The following PECAM1 variants were observed in gnomAD, a reference collection of about 807,000 sequenced individuals.
PECAM1 encodes the protein platelet endothelial cell adhesion molecule.
PECAM1 carries 8 observed loss-of-function variants against 13.8 expected under a neutral mutation model. The ratio of observed to expected loss-of-function variants is 0.58; its 90% CI spans 0.34 to 1.05. The LOEUF (loss-of-function observed/expected upper bound fraction) is 1.05, where lower values mean the gene tolerates loss of function less well. Ranked by LOEUF, PECAM1 falls within the 50% of genes least tolerant of loss-of-function variation. The pLI is 0.03. For synonymous variants in PECAM1, 136 were observed against 52.6 expected (o/e 2.58, Z -6.86); for missense variants, 304 against 141.2 (o/e 2.15, Z -5.84).
intron 11 of PECAM1, among the ~76,000 whole-genome samples, 176 bp from the exon 12 acceptor site, chr17:64,350,609 C>T (rs1199136647): frequency 6.6e-6 from 1 of 151,360 alleles, no homozygotes; most frequent in Non-Finnish European, 1.5e-5. Flanking sequence ...TCCATTTGAC[C>T]TGCTGTGTAG....
intron 2 of PECAM1, among the ~76,000 whole-genome samples, chr17:64,381,591 A>T (rs1206694127): frequency 1.3e-5 from 2 of 152,186 alleles, no homozygotes; most frequent in Non-Finnish European, 2.9e-5. Flanking sequence ...CGAGTACTAC[A>T]ATTTGCGCCT....
intron 14 of PECAM1, among the ~76,000 whole-genome samples, chr17:64,333,726 G>A (rs2035189516): frequency 1.3e-5 from 2 of 151,978 alleles, no homozygotes; most frequent in South Asian, 4.2e-4. Flanking sequence ...GGGAGGCTGA[G>A]GCGGGCGGAT....
chr17:64,344,638 A>C (rs1324216077), intron 13 of PECAM1, among the ~76,000 whole-genome samples: 7 of 151,794 alleles, frequency 4.6e-5, no homozygotes, highest in African/African-American at 1.7e-4. Flanking sequence ...CTTGGTCAAG[A>C]CCAGGTCAAA....
chr17:64,353,940 CTTTT>C (rs11446231), intron 9 of PECAM1, among the ~76,000 whole-genome samples: 9 of 130,094 alleles, frequency 6.9e-5, no homozygotes, highest in Admixed American at 7.9e-5. Flanking sequence ...CTCTCTCTCT[CTTTT>C]TTTTTTTTTT....
In PECAM1 at chr17:64,384,913, C is replaced by T. The variant is rs932252054; in HGVS notation, c.91+5576G>A. On this transcript the variant is annotated intron_variant, in intron 2 of 15. Transcript: ENST00000563924. ...GTTTTGATAATATGGAAAACATTAT[C>T]ATCTTTCTAAATAAACCAGCCAAGC... 7.1e-3 allele frequency among the ~76,000 whole-genome samples: 1,085 copies of T among 152,328 alleles called. 11 individuals carry two copies. The highest frequency in any genetic ancestry group is 0.025 in the African/African-American group (1,020 of 41,562).
intron 3 of PECAM1, among the ~76,000 whole-genome samples, chr17:64,377,230 A>G (rs1469393567): frequency 1.3e-5 from 2 of 152,162 alleles, no homozygotes; most frequent in African/African-American, 4.8e-5. Flanking sequence ...CACAAATACC[A>G]TTGAATGTAG....
chr17:64,361,288 G>A (rs1371490524), intron 6 of PECAM1, among the ~76,000 whole-genome samples: 3 of 151,760 alleles, frequency 2.0e-5, no homozygotes, highest in African/African-American at 7.3e-5. Flanking sequence ...TGGGATTACA[G>A]GCATGTGCCA....
At chr17:64,378,897 C>T (rs1305879892) in intron 2 of PECAM1, 1 of 152,318 alleles carries the variant, frequency 6.6e-6, no homozygotes, top group Admixed American at 6.6e-5. Flanking sequence ...ACATTAAGTG[C>T]TTAATAAATG....
chr17:64,355,698 G>A (rs1038838368), intron 8 of PECAM1, among the ~76,000 whole-genome samples: 5 of 152,104 alleles, frequency 3.3e-5, no homozygotes, highest in African/African-American at 1.2e-4. Flanking sequence ...GGGCTCAAGT[G>A]GAGTAGACTC....
chr17:64,343,412 C>T (rs2035483285), intron 13 of PECAM1, among the ~76,000 whole-genome samples: 1 of 152,158 alleles, frequency 6.6e-6, no homozygotes, highest in African/African-American at 2.4e-5. Flanking sequence ...GCCCCCTGAG[C>T]TCCACAGCAT....
At chr17:64,381,745 T>A (rs2036485339) in intron 2 of PECAM1, among the ~76,000 whole-genome samples, 2 of 152,164 alleles carry the variant, frequency 1.3e-5, no homozygotes, top group Non-Finnish European at 2.9e-5. Context: ...TTTTTTGTCT[T>A]TATATGCAAC....
chr17:64,339,915 C>T (rs1323620914), intron 14 of PECAM1, among the ~76,000 whole-genome samples: 4 of 152,058 alleles, frequency 2.6e-5, no homozygotes, highest in Admixed American at 1.3e-4. Context: ...TTTGGGAGGC[C>T]GAAGGGGGTG....
At chr17:64,325,431 G>A (rs573650455) in intron 15 of PECAM1, among the ~76,000 whole-genome samples, 2 of 151,164 alleles carry the variant, frequency 1.3e-5, no homozygotes, top group Admixed American at 1.3e-4. Flanking sequence ...TATATTTTAT[G>A]ACAATTAAAA....
intron 7 of PECAM1, among the ~76,000 whole-genome samples, chr17:64,359,596 G>C (rs2035925844): frequency 6.6e-6 from 1 of 152,276 alleles, no homozygotes; most frequent in Non-Finnish European, 1.5e-5. Flanking sequence ...ACACTTTCAT[G>C]CTTATCATAT....
chr17:64,322,548 G>C lies in PECAM1; in HGVS notation c.*1268C>G. ...TTTATTTAATACAACATCCACGAGG[G>C]TCCCTGCAGCTGTGTCACTGAGGCA... On this transcript the variant is annotated 3_prime_UTR_variant, in exon 16 of 16. Transcript: ENST00000563924. The C allele has an allele frequency of 1.0e-6, 1 of 985,374 alleles. No homozygotes were observed. Among genetic ancestry groups the C allele is most frequent in the South Asian group, 4.7e-5 (1 of 21,272 alleles). 61.0% of individuals were successfully genotyped at this position (985,374 alleles called of 1,614,324 possible).
rs183938812 is a variant in PECAM1 at position 64,332,523 on chromosome 17, G to A, written c.2165-2801C>T. On this transcript the variant is annotated intron_variant, in intron 14 of 15. Transcript: ENST00000563924. ...AATCATCACCAAAGTTGAATTGGAG[G>A]TAGCATCCATTTTTTCATGGGGATA... 3.3e-4 allele frequency among the ~76,000 whole-genome samples: 50 copies of A among 152,312 alleles called. 1 individual carries two copies. The highest frequency in any genetic ancestry group is 1.2e-3 in the African/African-American group (48 of 41,566).
At chr17:64,354,182 T>G (rs1209959979) in intron 9 of PECAM1, among the ~76,000 whole-genome samples, 3 of 152,140 alleles carry the variant, frequency 2.0e-5, no homozygotes, top group African/African-American at 7.2e-5. Context: ...CCTCAAGTGA[T>G]CTGCCTGCCT....
intron 14 of PECAM1, among the ~76,000 whole-genome samples, chr17:64,337,325 G>C (rs2035306144): frequency 6.6e-6 from 1 of 152,170 alleles, no homozygotes; most frequent in Admixed American, 6.5e-5. Context: ...GAGGGTCCTG[G>C]TCTCGGAGTC....
At chr17:64,353,329 ACACACACACACAACT>A (rs1241190478) in intron 10 of PECAM1, among the ~76,000 whole-genome samples, 147 bp downstream of exon 10, 2 of 151,340 alleles carry the variant, frequency 1.3e-5, no homozygotes, top group South Asian at 2.1e-4. Context: ...ACACACACAC[ACACACACACACAACT>A]CACACACACA....
Sources: gnomAD v4.1 joint callset for allele counts (sites outside exome capture counted in the v4.1 genomes callset) on GRCh38, gnomAD v4.1.1 for gene constraint, MANE v1.5 for transcripts, NCBI Gene and HGNC (gene_info 2026-07-23, HGNC 2026-07-21) for gene names.